FNDC4: variants seen among roughly 807,000 people sequenced by gnomAD.
FNDC4 encodes fibronectin type III domain-containing protein 4.
Under a neutral mutation model 25.1 loss-of-function variants are expected in FNDC4, and 11 were observed. That is an observed-to-expected ratio of 0.44 (90% CI 0.28 to 0.73). FNDC4 has a LOEUF of 0.73. FNDC4 is among the 30% of genes least tolerant of loss of function. The pLI is 0.16. For missense variants in FNDC4, 250 were observed against 304.3 expected, an observed-to-expected ratio of 0.82 and a Z score of 1.33; for synonymous variants, 136 against 118.8, an observed-to-expected ratio of 1.14 and a Z score of -0.94.
Position 27,494,224 on chromosome 2 carries a change from CG to C in FNDC4, c.250-91del. On this transcript the variant is annotated intron_variant, in intron 3 of 6. Transcript: ENST00000264703. This position sits in a 1 kb window ranked among gnomAD's most constrained non-coding sequence, Gnocchi z 4.6. ...GAGACTCTTCAACATCCAAGCACTC[CG>C]GGGGAGTAGCGTGAAAAGGGCAGCC... The C allele has an allele frequency of 7.0e-7, 1 of 1,434,190 alleles. No individual in the cohort carries two copies. The highest frequency in any genetic ancestry group is 9.7e-7 in the Non-Finnish European group (1 of 1,032,808). 88.8% of individuals were successfully genotyped at this position (1,434,190 alleles called of 1,614,324 possible). A position where few individuals can be genotyped will look rare whatever the true frequency, so the allele number is the denominator to read the frequency against.
Position 27,492,085 on chromosome 2 carries a change from T to A in FNDC4, c.*358A>T. On this transcript the variant is annotated 3_prime_UTR_variant, in exon 7 of 7. Coordinates refer to ENST00000264703, the MANE Select transcript of FNDC4 (RefSeq NM_022823.3). This position sits in a 1 kb window ranked among gnomAD's most constrained non-coding sequence, Gnocchi z 4.1. ...GAGTACCCACAGAAACACCCCTCTC[T>A]GAGGGCCAGAGGCAAGATGTGGGGC... The A allele has an allele frequency of 3.0e-6, 1 of 331,946 alleles. No homozygotes were observed. The highest frequency in any genetic ancestry group is 5.6e-6 in the Non-Finnish European group (1 of 178,560). The allele number at this position is 331,946 out of a possible 1,614,324, so 20.6% of individuals were successfully genotyped here. A position where few individuals can be genotyped will look rare whatever the true frequency, so the allele number is the denominator to read the frequency against.
Position 27,494,983 on chromosome 2 carries a change from G to C in FNDC4, c.-130C>G. ...GCTGCCCCTACCCCATCCCGGCGCG[G>C]GCCCGGCGACGCGGGCAGCGCGGGG... On this transcript the variant is annotated 5_prime_UTR_variant, in exon 1 of 7. Coordinates refer to ENST00000264703, the MANE Select transcript of FNDC4 (RefSeq NM_022823.3). The surrounding 1 kb of genome is among the most constrained non-coding windows in gnomAD (Gnocchi z 4.6). The C allele has an allele frequency of 4.6e-6, 1 of 217,164 alleles. No individual in the cohort carries two copies. Among genetic ancestry groups the C allele is most frequent in the Non-Finnish European group, 9.0e-6 (1 of 111,134 alleles). The allele number at this position is 217,164 out of a possible 1,614,324, so 13.5% of individuals were successfully genotyped here.
chr2:27,493,556 G>C, intron 4 of FNDC4, 78 bp from the exon 5 acceptor site: 1 of 1,133,390 alleles, frequency 8.8e-7, no homozygotes, highest in South Asian at 1.2e-5. Context: ...GAGATGCTGG[G>C]GATTAGAAAG....
Position 27,493,978 on chromosome 2 carries a change from G to A in FNDC4, c.406C>T (p.Arg136Ter), listed in dbSNP as rs938775656. The A allele has an allele frequency of 1.2e-6, 2 of 1,614,094 alleles. No homozygotes were observed. The highest frequency in any genetic ancestry group is 1.3e-5 in the African/African-American group (1 of 74,936). The change falls in exon 4 of 7, where the codon CGA (arginine) becomes TGA (stop). Residue 136 changes from arginine to a stop codon, truncating the protein, a stop_gained. Transcript: ENST00000264703. LOFTEE classifies it high-confidence loss of function. ...ESPPGPRVHF[R>*]TLKGSDRLPS... ...AGCCGGTCAGAACCCTTGAGAGTTCGGAAGTGCACCCGGGGCCCTGGGGGA... is the reference window on the plus strand; with the variant it reads ...AGCCGGTCAGAACCCTTGAGAGTTCAGAAGTGCACCCGGGGCCCTGGGGGA...
rs1464921888 is a variant in FNDC4, at chr2:27,494,660, C to T, written c.20G>A (p.Ser7Asn). ...CCCACGGAGTCCGCTGGGGGGGGAA[C>T]TGTGGCATCCGCTTGGCATCCGCTT... Reference protein sequence around the residue: MPSGCHSSPPSGLRGDM... With the variant: MPSGCHNSPPSGLRGDM... The change falls in exon 2 of 7, where the codon AGT becomes AAT. Residue 7 changes from serine (S) to asparagine (N), a missense_variant. Transcript: ENST00000264703. This position sits in a 1 kb window ranked among gnomAD's most constrained non-coding sequence, Gnocchi z 4.6. The T allele has an allele frequency of 3.2e-6, 5 of 1,565,300 alleles. No homozygotes were observed. Among genetic ancestry groups the T allele is most frequent in the Non-Finnish European group, 4.3e-6 (5 of 1,159,018 alleles).
Position 27,494,249 on chromosome 2 carries a change from C to G in FNDC4, c.249+102G>C. 7.1e-7 allele frequency: 1 copy of G among 1,401,336 alleles called. No homozygotes were observed. Among genetic ancestry groups the G allele is most frequent in the Middle Eastern group, 1.8e-4 (1 of 5,680 alleles). 86.8% of individuals were successfully genotyped at this position (1,401,336 alleles called of 1,614,324 possible). A position where few individuals can be genotyped will look rare whatever the true frequency, so the allele number is the denominator to read the frequency against. ...CGGGGGAGTAGCGTGAAAAGGGCAG[C>G]CTGAGCCAGGATACGCCAGCTTCCA... On this transcript the variant is annotated intron_variant, in intron 3 of 6. Coordinates refer to ENST00000264703, the MANE Select transcript of FNDC4 (RefSeq NM_022823.3). The surrounding 1 kb of genome is among the most constrained non-coding windows in gnomAD (Gnocchi z 4.6).
intron 4 of FNDC4, among the ~76,000 whole-genome samples, chr2:27,493,729 A>G (rs866857051): frequency 1.2e-4 from 18 of 152,196 alleles, no homozygotes; most frequent in African/African-American, 4.3e-4. Flanking sequence ...CAGGAAGCTT[A>G]AAAGGCCTTC....
Position 27,494,735 on chromosome 2 carries a change from G to T in FNDC4, c.-24-32C>A. Reference sequence around the variant, plus strand: ...ATGGCAGGAGTTGTGGGGGGTCAAGGACTGCCCAGAACGCACGGAGGTCGG... The same window carrying T: ...ATGGCAGGAGTTGTGGGGGGTCAAGTACTGCCCAGAACGCACGGAGGTCGG... On this transcript the variant is annotated intron_variant, in intron 1 of 6. Coordinates refer to ENST00000264703, the MANE Select transcript of FNDC4 (RefSeq NM_022823.3). This position sits in a 1 kb window ranked among gnomAD's most constrained non-coding sequence, Gnocchi z 4.6. 2 of 1,405,748 alleles carry T rather than the reference G, an allele frequency of 1.4e-6. No individual in the cohort carries two copies. Among genetic ancestry groups the T allele is most frequent in the Non-Finnish European group, 1.9e-6 (2 of 1,058,672 alleles). 87.1% of individuals were successfully genotyped at this position (1,405,748 alleles called of 1,614,324 possible). A position where few individuals can be genotyped will look rare whatever the true frequency, so the allele number is the denominator to read the frequency against.
In FNDC4 at chr2:27,492,430, T is replaced by C. The variant is rs1669278047; in HGVS notation, c.*13A>G. 6.2e-7 allele frequency: 1 copy of C among 1,614,098 alleles called. No homozygotes were observed. Among genetic ancestry groups the C allele is most frequent in the Non-Finnish European group, 8.5e-7 (1 of 1,179,988 alleles). ...GTTGTTAGTGCATCTCTCTTCTGGGTGTGTTTCTTCACTCAAACGTCGATG... is the reference window on the plus strand; with the variant it reads ...GTTGTTAGTGCATCTCTCTTCTGGGCGTGTTTCTTCACTCAAACGTCGATG... On this transcript the variant is annotated 3_prime_UTR_variant, in exon 7 of 7. Coordinates refer to ENST00000264703, the MANE Select transcript of FNDC4 (RefSeq NM_022823.3). The surrounding 1 kb of genome is among the most constrained non-coding windows in gnomAD (Gnocchi z 4.1).
intron 5 of FNDC4, 152 bp downstream of exon 5, chr2:27,493,237 C>A: frequency 1.6e-6 from 1 of 635,112 alleles, no homozygotes. Flanking sequence ...GTCTCAAACT[C>A]CTGACCTCAG....
At position 27,495,119 on chromosome 2, in the gene FNDC4, G is replaced by C. The variant is rs1558430691; in HGVS notation, c.-266C>G. On this transcript the variant is annotated 5_prime_UTR_variant, in exon 1 of 7. Transcript: ENST00000264703. ...TGCCCGGACGCTGGCCTGGGTCCCC[G>C]GTGCGGGAGGCAGTGCGGCGGCCTC... The C allele has an allele frequency of 6.6e-6, 1 of 151,632 alleles. No individual in the cohort carries two copies. Among genetic ancestry groups the C allele is most frequent in the Non-Finnish European group, 1.5e-5 (1 of 67,944 alleles). The allele number at this position is 151,632 out of a possible 1,614,324, so 9.4% of individuals were successfully genotyped here.
chr2:27,494,082 C>G lies in FNDC4; in HGVS notation c.302G>C (p.Arg101Pro). The change falls in exon 4 of 7, where the codon CGG becomes CCG. Residue 101 changes from arginine to proline, a missense_variant. Transcript: ENST00000264703. The surrounding 1 kb of genome is among the most constrained non-coding windows in gnomAD (Gnocchi z 4.6). ...AGCCAGGCCCCAGAGGGCACAGGCC[C>G]GGGTGGTGGTGTTCACCTCCCGAAT... Reference protein sequence around the residue: ...RVIREVNTTTRACALWGLAED... With the variant: ...RVIREVNTTTPACALWGLAED... 1 of 1,614,198 alleles carries G rather than the reference C, an allele frequency of 6.2e-7. No homozygotes were observed. Among genetic ancestry groups the G allele is most frequent in the East Asian group, 2.2e-5 (1 of 44,878 alleles).
rs1669273935 is a variant in FNDC4, at chr2:27,492,213, G to A, written c.*230C>T. The stretch of plus-strand genomic sequence containing the variant: ...TGACTCTCCCCTGGACCGGGGAATG[G>A]AAGGAGATATCCCATCTGATATCCA... On this transcript the variant is annotated 3_prime_UTR_variant, in exon 7 of 7. Coordinates refer to ENST00000264703, the MANE Select transcript of FNDC4 (RefSeq NM_022823.3). The surrounding 1 kb of genome is among the most constrained non-coding windows in gnomAD (Gnocchi z 4.1). 1.5e-5 allele frequency: 9 copies of A among 596,222 alleles called. No individual in the cohort carries two copies. In the South Asian group the frequency reaches 1.9e-4, roughly 12 times the overall value. 36.9% of individuals were successfully genotyped at this position (596,222 alleles called of 1,614,324 possible). A position where few individuals can be genotyped will look rare whatever the true frequency, so the allele number is the denominator to read the frequency against.
Position 27,494,285 on chromosome 2 carries a change from A to C in FNDC4, c.249+66T>G. On this transcript the variant is annotated intron_variant, in intron 3 of 6. Transcript: ENST00000264703. The surrounding 1 kb of genome is among the most constrained non-coding windows in gnomAD (Gnocchi z 4.6). ...ATACGCCAGCTTCCAGATCCCCCCC[A>C]CTTAAGTGAAGAAATGTGCCGAAAT... 6.8e-7 allele frequency: 1 copy of C among 1,460,194 alleles called. No individual in the cohort carries two copies. The highest frequency in any genetic ancestry group is 1.2e-5 in the South Asian group (1 of 86,420). The allele number at this position is 1,460,194 out of a possible 1,614,324, so 90.5% of individuals were successfully genotyped here.
chr2:27,492,900 T>G lies in FNDC4; in HGVS notation c.545-110A>C, dbSNP rs1669290557. 7.9e-7 allele frequency: 1 copy of G among 1,266,698 alleles called. No homozygotes were observed. The highest frequency in any genetic ancestry group is 1.1e-6 in the Non-Finnish European group (1 of 891,504). 78.5% of individuals were successfully genotyped at this position (1,266,698 alleles called of 1,614,324 possible). A position where few individuals can be genotyped will look rare whatever the true frequency, so the allele number is the denominator to read the frequency against. ...GAACATCCTGAATTCCTGGTGCCCATGCAGTCCTCCTCTCTGGGCTCTCAA... is the reference window on the plus strand; with the variant it reads ...GAACATCCTGAATTCCTGGTGCCCAGGCAGTCCTCCTCTCTGGGCTCTCAA... On this transcript the variant is annotated intron_variant, in intron 5 of 6. Coordinates refer to ENST00000264703, the MANE Select transcript of FNDC4 (RefSeq NM_022823.3). The surrounding 1 kb of genome is among the most constrained non-coding windows in gnomAD (Gnocchi z 4.1).
chr2:27,493,721 G>T (rs1669312317), intron 4 of FNDC4, among the ~76,000 whole-genome samples: 1 of 152,206 alleles, frequency 6.6e-6, no homozygotes, highest in Admixed American at 6.5e-5. Context: ...TTGGGTAACA[G>T]GAAGCTTAAA....
chr2:27,494,508 A>C lies in FNDC4; in HGVS notation c.133+39T>G. The C allele has an allele frequency of 6.2e-7, 1 of 1,613,016 alleles. No individual in the cohort carries two copies. The highest frequency in any genetic ancestry group is 8.5e-7 in the Non-Finnish European group (1 of 1,179,504). On this transcript the variant is annotated intron_variant, in intron 2 of 6. Coordinates refer to ENST00000264703, the MANE Select transcript of FNDC4 (RefSeq NM_022823.3). The surrounding 1 kb of genome is among the most constrained non-coding windows in gnomAD (Gnocchi z 4.6). ...GTTTAACAGGTTTCACCCATTGACT[A>C]GCTGTGGTTGACCCTCAGCCCCGTT...
In FNDC4 at chr2:27,494,654, G is replaced by T. The variant is rs199866377; in HGVS notation, c.26C>A (p.Pro9His). Residue 9 changes from proline to histidine, a missense_variant, in exon 2 of 7, where the codon CCC becomes CAC. By Grantham distance (77) the Pro-to-His change is moderately conservative. Transcript: ENST00000264703. This position sits in a 1 kb window ranked among gnomAD's most constrained non-coding sequence, Gnocchi z 4.6. ...CATGTCCCCACGGAGTCCGCTGGGG[G>T]GGGAACTGTGGCATCCGCTTGGCAT... is the stretch of plus-strand genomic sequence containing the variant. MPSGCHSS[P>H]PSGLRGDMAS... 8 of 1,572,622 alleles carry T rather than the reference G, an allele frequency of 5.1e-6. No homozygotes were observed. The African/African-American group carries it at 5.5e-5, about 11-fold the overall frequency.
rs977458631 is a variant in FNDC4, at chr2:27,493,956, C to G, written c.428G>C (p.Arg143Pro). 1.9e-6 allele frequency: 3 copies of G among 1,614,214 alleles called. No homozygotes were observed. Among genetic ancestry groups the G allele is most frequent in the East Asian group, 2.2e-5 (1 of 44,886 alleles). Residue 143 changes from arginine to proline, a missense_variant, in exon 4 of 7, where the codon CGG (arginine) becomes CCG (proline). By Grantham distance (103) the Arg-to-Pro change is moderately radical. Transcript: ENST00000264703. ...VHFRTLKGSD[R>P]LPSNSSSPGD... ...TGGGCTTGAACTGTTTGAAGGTAGC[C>G]GGTCAGAACCCTTGAGAGTTCGGAA...
Sources: allele counts gnomAD v4.1 joint callset (sites outside exome capture counted in the v4.1 genomes callset), GRCh38; gene constraint gnomAD v4.1.1; non-coding constraint Gnocchi (gnomAD v3.1); transcripts MANE v1.5; gene names NCBI Gene and HGNC (gene_info 2026-07-23, HGNC 2026-07-21).